Variants in HIRA observed in about 807,000 individuals in gnomAD.
The protein encoded by HIRA is histone cell cycle regulator.
A neutral mutation model predicts 126.6 loss-of-function variants in HIRA; 13 were observed. That is an observed-to-expected ratio of 0.10 (90% CI 0.07 to 0.16). HIRA has a LOEUF of 0.16. HIRA is among the 10% of genes least tolerant of loss of function. The probability of loss-of-function intolerance (pLI) is 1.00; values close to 1 mark genes in which losing one functional copy is unlikely to be tolerated. For synonymous variants in HIRA, 511 were observed against 520.0 expected (o/e 0.98, Z 0.24); for missense variants, 834 against 1,314.4 (o/e 0.63, Z 5.65).
At chr22:19,391,424 A>C (rs1303771935) in intron 9 of HIRA, among the ~76,000 whole-genome samples, 2 of 152,162 alleles carry the variant, frequency 1.3e-5, no homozygotes, top group Non-Finnish European at 2.9e-5. Context: ...AACATGTATG[A>C]CAACTCACCA....
rs916022995 is a variant in HIRA at position 19,421,773 on chromosome 22, G to A, written c.37+9667C>T. Among the ~76,000 whole-genome samples the A allele has an allele frequency of 7.9e-5, 12 of 152,282 alleles. No individual in the cohort carries two copies. The East Asian group carries it at 1.4e-3, about 17-fold the overall frequency. ...TGCAACCTCCCACTCTGGGTTTCAA[G>A]CAATTCTCCTGCCTCAGCCTCCCGA... On this transcript the variant is annotated intron_variant, in intron 1 of 24. Coordinates refer to ENST00000263208, the MANE Select transcript of HIRA (RefSeq NM_003325.4).
At chr22:19,423,175 C>T (rs559789182) in intron 1 of HIRA, among the ~76,000 whole-genome samples, 7 of 152,310 alleles carry the variant, frequency 4.6e-5, no homozygotes, top group African/African-American at 1.7e-4. Context: ...CCTTTTCACT[C>T]AGGCTTTGCC....
chr22:19,369,856 G>A (rs561975096), intron 15 of HIRA, among the ~76,000 whole-genome samples: 9 of 152,288 alleles, frequency 5.9e-5, no homozygotes, highest in African/African-American at 2.2e-4. Context: ...TTGAGCCTGG[G>A]AGACAGAGGT....
intron 23 of HIRA, 56 bp downstream of exon 23, chr22:19,353,300 C>G (rs575727431): frequency 3.7e-6 from 6 of 1,600,610 alleles, no homozygotes; most frequent in Admixed American, 1.7e-5. Flanking sequence ...TAAGTGAGGC[C>G]TGGGAGGATG....
intron 15 of HIRA, among the ~76,000 whole-genome samples, chr22:19,363,250 A>G (rs963480372): frequency 6.6e-6 from 1 of 151,896 alleles, no homozygotes; most frequent in Non-Finnish European, 1.5e-5. Flanking sequence ...AAAACAAAAA[A>G]AACAAAAAAA....
chr22:19,390,514 C>A (rs866737530), intron 9 of HIRA, among the ~76,000 whole-genome samples: 11 of 144,564 alleles, frequency 7.6e-5, no homozygotes, highest in African/African-American at 2.8e-4. Context: ...TCGCTCGAAC[C>A]CAGGAGGCAG....
At position 19,409,611 on chromosome 22, in the gene HIRA, C is replaced by A. The variant is rs139555465; in HGVS notation, c.101-1018G>T. On this transcript the variant is annotated intron_variant, in intron 2 of 24. Coordinates refer to ENST00000263208, the MANE Select transcript of HIRA (RefSeq NM_003325.4). ...GTAATGATTTCTAAGCTTTCCATCA[C>A]TGATATCTAACGAAGTTTAGCCCCT... Among the ~76,000 whole-genome samples the A allele has an allele frequency of 5.1e-3, 771 of 152,318 alleles. 13 individuals carry two copies. The highest frequency in any genetic ancestry group is 0.018 in the African/African-American group (755 of 41,574).
intron 24 of HIRA, among the ~76,000 whole-genome samples, chr22:19,349,199 G>A (rs1262411066): frequency 6.6e-6 from 1 of 151,436 alleles, no homozygotes; most frequent in Non-Finnish European, 1.5e-5. Flanking sequence ...TCCTCCTCCC[G>A]GTTCAAGCGA....
chr22:19,351,497 T>C lies in HIRA; in HGVS notation c.2849-51A>G. ...ACAACAACAAAAAACAAAACAGAAA[T>C]AGGAACACATTACAAAAAGAAATAA... is the stretch of plus-strand genomic sequence containing the variant. On this transcript the variant is annotated intron_variant, in intron 23 of 24. Coordinates refer to ENST00000263208, the MANE Select transcript of HIRA (RefSeq NM_003325.4). The surrounding 1 kb of genome is among the most constrained non-coding windows in gnomAD (Gnocchi z 4.8). 7.9e-7 allele frequency: 1 copy of C among 1,261,480 alleles called. No individual in the cohort carries two copies. Among genetic ancestry groups the C allele is most frequent in the African/African-American group, 1.5e-5 (1 of 67,404 alleles). 78.1% of individuals were successfully genotyped at this position (1,261,480 alleles called of 1,614,324 possible).
At chr22:19,347,623 G>A (rs1556009259) in intron 24 of HIRA, among the ~76,000 whole-genome samples, 1 of 152,218 alleles carries the variant, frequency 6.6e-6, no homozygotes, top group African/African-American at 2.4e-5. Context: ...TGAGGAAGAA[G>A]CTAGGCAGAA....
At position 19,351,074 on chromosome 22, in the gene HIRA, T is replaced by G. The variant is rs1389959963; in HGVS notation, c.2937+284A>C. On this transcript the variant is annotated intron_variant, in intron 24 of 24. Transcript: ENST00000263208. The surrounding 1 kb of genome is among the most constrained non-coding windows in gnomAD (Gnocchi z 4.8). ...GCTCCACGAAGGCAGGGAAGTACCTTCCGTCTTTTGTCTTCACAACCAAGC... is the reference window on the plus strand; with the variant it reads ...GCTCCACGAAGGCAGGGAAGTACCTGCCGTCTTTTGTCTTCACAACCAAGC... The G allele has an allele frequency of 2.3e-5, 22 of 965,374 alleles. No homozygotes were observed. Among genetic ancestry groups the G allele is most frequent in the Non-Finnish European group, 2.7e-5 (22 of 811,690 alleles). The allele number at this position is 965,374 out of a possible 1,614,324, so 59.8% of individuals were successfully genotyped here.
intron 9 of HIRA, among the ~76,000 whole-genome samples, chr22:19,390,340 C>T (rs1341185347): frequency 6.6e-6 from 1 of 152,052 alleles, no homozygotes; most frequent in African/African-American, 2.4e-5. Context: ...CACCTGTAAT[C>T]CCAGTACTTT....
intron 9 of HIRA, among the ~76,000 whole-genome samples, chr22:19,391,701 C>T (rs907100779): frequency 3.3e-5 from 5 of 152,032 alleles, no homozygotes; most frequent in South Asian, 2.1e-4. Context: ...AGGATGGTCT[C>T]GAACTCCTGA....
intron 12 of HIRA, 151 bp from the exon 13 acceptor site, chr22:19,383,856 T>G: frequency 1.6e-6 from 1 of 629,116 alleles, no homozygotes; most frequent in South Asian, 1.9e-5. Flanking sequence ...AATATCATAT[T>G]GTGAACTGTA....
At chr22:19,344,138 A>G (rs1188768401) in intron 24 of HIRA, among the ~76,000 whole-genome samples, 1 of 152,214 alleles carries the variant, frequency 6.6e-6, no homozygotes, top group Non-Finnish European at 1.5e-5. Context: ...GGAACTAGAA[A>G]AAGAACTATA....
intron 21 of HIRA, among the ~76,000 whole-genome samples, chr22:19,354,325 C>T (rs532003455): frequency 2.0e-4 from 30 of 152,320 alleles, no homozygotes; most frequent in South Asian, 1.4e-3. Flanking sequence ...GATCACTGTT[C>T]CAAAGGAAAA....
At chr22:19,413,176 C>G (rs568711074) in intron 1 of HIRA, among the ~76,000 whole-genome samples, 40 of 152,234 alleles carry the variant, frequency 2.6e-4, no homozygotes, top group African/African-American at 9.6e-4. Flanking sequence ...GGAGCTGAGA[C>G]ATTTCTCTAA....
At position 19,331,022 on chromosome 22, in the gene HIRA, G is replaced by T; in HGVS notation, c.*418C>A. 3.3e-6 allele frequency: 2 copies of T among 607,330 alleles called. No individual in the cohort carries two copies. Among genetic ancestry groups the T allele is most frequent in the Non-Finnish European group, 4.8e-6 (2 of 414,214 alleles). 37.6% of individuals were successfully genotyped at this position (607,330 alleles called of 1,614,324 possible). ...AGCTTTCCTTTTACATAGGTCTTAG[G>T]TCAGTCTGCTGTAATACCTAACGCT... is the stretch of plus-strand genomic sequence containing the variant. On this transcript the variant is annotated 3_prime_UTR_variant, in exon 25 of 25. Coordinates refer to ENST00000263208, the MANE Select transcript of HIRA (RefSeq NM_003325.4).
chr22:19,360,231 C>T (rs556626992), intron 17 of HIRA, among the ~76,000 whole-genome samples: 3 of 152,032 alleles, frequency 2.0e-5, no homozygotes, highest in East Asian at 3.9e-4. Context: ...CCAGAAATGA[C>T]AGTCCCAAGC....
Sources: gnomAD v4.1 joint callset for allele counts (sites outside exome capture counted in the v4.1 genomes callset) on GRCh38, gnomAD v4.1.1 for gene constraint, Gnocchi (gnomAD v3.1) non-coding constraint, MANE v1.5 for transcripts, NCBI Gene and HGNC (gene_info 2026-07-23, HGNC 2026-07-21) for gene names.